The following ZC3H12C variants were observed in gnomAD, a reference collection of about 807,000 sequenced individuals.
ZC3H12C encodes zinc finger CCCH-type containing 12C, also known as probable ribonuclease ZC3H12C.
Under a neutral mutation model 76.3 loss-of-function variants are expected in ZC3H12C, and 20 were observed. The ratio of observed to expected loss-of-function variants is 0.26; its 90% CI spans 0.18 to 0.38. The LOEUF (loss-of-function observed/expected upper bound fraction) is 0.38. ZC3H12C is among the 10% of genes least tolerant of loss of function. The probability of loss-of-function intolerance (pLI) is 1.00; values close to 1 mark genes in which losing one functional copy is unlikely to be tolerated. For synonymous variants in ZC3H12C, 352 were observed against 399.6 expected (o/e 0.88, Z 1.42); for missense variants, 874 against 1,086.5 (o/e 0.80, Z 2.75).
At chr11:110,124,006 C>T (rs879042036) in intron 1 of ZC3H12C, 3 of 152,268 alleles carry the variant, frequency 2.0e-5, no homozygotes, top group Non-Finnish European at 2.9e-5. Flanking sequence ...TGCCTGTGGG[C>T]AGATCTCAAA....
chr11:110,141,480 C>G (rs1214057844), intron 2 of ZC3H12C, among the ~76,000 whole-genome samples: 2 of 152,132 alleles, frequency 1.3e-5, no homozygotes, highest in Admixed American at 1.3e-4. Context: ...GCTTTCTTGC[C>G]TAGGCTCTAA....
At chr11:110,129,240 ACT>A (rs1861815408) in intron 1 of ZC3H12C, among the ~76,000 whole-genome samples, 1 of 152,178 alleles carries the variant, frequency 6.6e-6, no homozygotes, top group South Asian at 2.1e-4. Context: ...AAATATTGGA[ACT>A]CTCTTGAGGA....
rs368265708 is a variant in ZC3H12C, at chr11:110,120,713, A to C, written c.22-15950A>C. On this transcript the variant is annotated intron_variant, in intron 1 of 5. Coordinates refer to ENST00000278590, the MANE Select transcript of ZC3H12C (RefSeq NM_033390.2). ...GTAGGCAAATTTGCAAAGATGGGGA[A>C]TCTGCAAATGATGAGGATCAGCTGT... is the stretch of plus-strand genomic sequence containing the variant. 3.3e-5 allele frequency among the ~76,000 whole-genome samples: 5 copies of C among 152,310 alleles called. 1 individual carries two copies. Among genetic ancestry groups the C allele is most frequent in the Admixed American group, 6.5e-5 (1 of 15,290 alleles).
At chr11:110,147,684 A>G (rs1193848133) in intron 2 of ZC3H12C, among the ~76,000 whole-genome samples, 3 of 152,014 alleles carry the variant, frequency 2.0e-5, no homozygotes, top group Non-Finnish European at 2.9e-5. Flanking sequence ...TGTCAGTCTC[A>G]TTTTGCTGTT....
At chr11:110,121,284 T>C (rs1168107978) in intron 1 of ZC3H12C, among the ~76,000 whole-genome samples, 2 of 152,218 alleles carry the variant, frequency 1.3e-5, no homozygotes, top group African/African-American at 4.8e-5. Flanking sequence ...AGCACATTTG[T>C]ATTCACCTGC....
At chr11:110,125,270 AGTGTGTGTGTGTGTGT>A (rs59512764) in intron 1 of ZC3H12C, among the ~76,000 whole-genome samples, 45,485 of 138,600 alleles carry the variant, frequency 0.33, 7,819 homozygotes, top group East Asian at 0.58. Context: ...ATCTCTCACT[AGTGTGTGTGTGTGTGT>A]GTGTGTGTGT....
chr11:110,126,896 G>A (rs1479756647), intron 1 of ZC3H12C, among the ~76,000 whole-genome samples: 1 of 152,018 alleles, frequency 6.6e-6, no homozygotes, highest in African/African-American at 2.4e-5. Flanking sequence ...TTTATATAAA[G>A]TTATTTATAT....
At chr11:110,122,890 A>G (rs1861675269) in intron 1 of ZC3H12C, among the ~76,000 whole-genome samples, 1 of 152,110 alleles carries the variant, frequency 6.6e-6, no homozygotes, top group East Asian at 1.9e-4. Context: ...TCTATACTAC[A>G]TTTTTTCATT....
rs201483472 is a variant in ZC3H12C, at chr11:110,145,603, GC to G, written c.774-7315del. Among the ~76,000 whole-genome samples the G allele has an allele frequency of 6.2e-3, 927 of 150,012 alleles. 9 individuals carry two copies. The highest frequency in any genetic ancestry group is 0.022 in the African/African-American group (881 of 40,538). On this transcript the variant is annotated intron_variant, in intron 2 of 5. Transcript: ENST00000278590. The stretch of plus-strand genomic sequence containing the variant: ...CTACAACAAATTACAGAAATTGGGG[GC>G]GGGGGGGAGTTGCAGTGACTCTAGT...
At chr11:110,141,571 T>C (rs1188723525) in intron 2 of ZC3H12C, among the ~76,000 whole-genome samples, 3 of 152,130 alleles carry the variant, frequency 2.0e-5, no homozygotes, top group Non-Finnish European at 4.4e-5. Context: ...TTATAGTTAA[T>C]AAAATCATCC....
intron 2 of ZC3H12C, among the ~76,000 whole-genome samples, chr11:110,141,644 T>C (rs1399944648): frequency 6.6e-6 from 1 of 152,182 alleles, no homozygotes; most frequent in African/African-American, 2.4e-5. Flanking sequence ...CCGGAATTCA[T>C]ACAAATTTGT....
intron 2 of ZC3H12C, among the ~76,000 whole-genome samples, chr11:110,145,423 A>G (rs1288677839): frequency 6.6e-6 from 1 of 152,212 alleles, no homozygotes; most frequent in Non-Finnish European, 1.5e-5. Context: ...CCTAATTTCC[A>G]GTTGTCTAGT....
chr11:110,129,565 G>A (rs1591471478), intron 1 of ZC3H12C, among the ~76,000 whole-genome samples: 1 of 152,036 alleles, frequency 6.6e-6, no homozygotes, highest in South Asian at 2.1e-4. Flanking sequence ...ATTGTTTTGG[G>A]TACTTTTTAT....
At chr11:110,101,672 C>T (rs1007190760) in intron 1 of ZC3H12C, among the ~76,000 whole-genome samples, 5 of 151,908 alleles carry the variant, frequency 3.3e-5, no homozygotes, top group African/African-American at 7.3e-5. Flanking sequence ...TTCAGCCTCC[C>T]GAGCAGCTGG....
chr11:110,125,412 C>G (rs1861725454), intron 1 of ZC3H12C, among the ~76,000 whole-genome samples: 1 of 151,850 alleles, frequency 6.6e-6, no homozygotes. Context: ...ACCTCCACCT[C>G]CAGGTTCAAG....
chr11:110,095,646 C>T (rs1005848347), intron 1 of ZC3H12C, among the ~76,000 whole-genome samples: 4 of 152,070 alleles, frequency 2.6e-5, no homozygotes, highest in East Asian at 1.9e-4. Context: ...AGATTATGAA[C>T]GAACATAATG....
At chr11:110,094,499 C>T (rs1024406449) in intron 1 of ZC3H12C, among the ~76,000 whole-genome samples, 2 of 152,136 alleles carry the variant, frequency 1.3e-5, no homozygotes, top group African/African-American at 4.8e-5. Flanking sequence ...ACCTCAAACA[C>T]AATTTTTGAC....
chr11:110,148,744 A>G (rs1489926595), intron 2 of ZC3H12C, among the ~76,000 whole-genome samples: 2 of 152,260 alleles, frequency 1.3e-5, no homozygotes, highest in Non-Finnish European at 2.9e-5. Context: ...AAACCCCTGC[A>G]TCCATGCAGA....
In ZC3H12C at chr11:110,137,028, C is replaced by T; in HGVS notation, c.387C>T (p.His129=). Residue 129 remains histidine (H), a synonymous_variant, in exon 2 of 6, where the codon CAC becomes CAT. Coordinates refer to ENST00000278590, the MANE Select transcript of ZC3H12C (RefSeq NM_033390.2). ...QLCRSPCLEP[H]ILKRNEILQD... ...GCAGGTCTCCCTGTTTAGAGCCTCA[C>T]ATACTCAAGCGCAATGAAATTTTGC... 1 of 1,613,826 alleles carries T rather than the reference C, an allele frequency of 6.2e-7. No homozygotes were observed. Among genetic ancestry groups the T allele is most frequent in the Middle Eastern group, 1.7e-4 (1 of 6,060 alleles).
Sources: allele counts gnomAD v4.1 joint callset (sites outside exome capture counted in the v4.1 genomes callset), GRCh38; gene constraint gnomAD v4.1.1; transcripts MANE v1.5; gene names NCBI Gene and HGNC (gene_info 2026-07-23, HGNC 2026-07-21).